ZNF584: variants seen among roughly 807,000 people sequenced by gnomAD.
ZNF584 encodes zinc finger protein 584.
Under a neutral mutation model 14.7 loss-of-function variants are expected in ZNF584, and 12 were observed. The observed-to-expected ratio is 0.82, with a 90% confidence interval of 0.52 to 1.32. The LOEUF (loss-of-function observed/expected upper bound fraction) is 1.32, where lower values mean the gene tolerates loss of function less well. ZNF584 is among the 40% of genes most tolerant of loss of function. The pLI is 0.00. For synonymous variants in ZNF584, 204 were observed against 190.9 expected, an observed-to-expected ratio of 1.07 and a Z score of -0.57; for missense variants, 478 against 518.8, an observed-to-expected ratio of 0.92 and a Z score of 0.76.
intron 2 of ZNF584, among the ~76,000 whole-genome samples, chr19:58,411,977 G>GA (rs2052578875): frequency 1.1e-5 from 1 of 88,784 alleles, no homozygotes; most frequent in Non-Finnish European, 2.1e-5. Flanking sequence ...TATAATACTT[G>GA]TTTTTTTTTT....
chr19:58,403,182 A>C (rs1468298337), intron 1 of ZNF584, among the ~76,000 whole-genome samples: 1 of 152,260 alleles, frequency 6.6e-6, no homozygotes, highest in Non-Finnish European at 1.5e-5. Context: ...GGGTATTTGC[A>C]CAAATGAGTT....
chr19:58,411,938 A>G (rs2052578025), intron 2 of ZNF584, among the ~76,000 whole-genome samples: 1 of 143,462 alleles, frequency 7.0e-6, no homozygotes, highest in Non-Finnish European at 1.5e-5. Flanking sequence ...TCAACCTTGC[A>G]TTACTGGGAT....
upstream of ZNF584, chr19:58,406,333 C>A (rs56332086): frequency 2.7e-5 from 2 of 74,698 alleles, no homozygotes; most frequent in South Asian, 5.9e-4. Context: ...AGAGGGAGAC[C>A]GTGGAAAGAG....
Position 58,416,887 on chromosome 19 carries a change from C to T in ZNF584, c.369C>T (p.Asp123=). 6.2e-7 allele frequency: 1 copy of T among 1,609,722 alleles called. No homozygotes were observed. ...LKSYRVIQHQ[D]THSEGKPRRH... is the part of the protein sequence containing the mutation. ...GCTACAGAGTCATCCAGCACCAGGA[C>T]ACTCATAGTGAGGGGAAACCAAGAA... Residue 123 remains aspartate (D), a synonymous_variant, in exon 4 of 4, where the codon GAC becomes GAT. Coordinates refer to ENST00000306910, the MANE Select transcript of ZNF584 (RefSeq NM_173548.3).
Position 58,417,840 on chromosome 19 carries a change from G to GT in ZNF584, c.*57dup, listed in dbSNP as rs2122255652. 1 of 1,533,796 alleles carries GT rather than the reference G, an allele frequency of 6.5e-7. No homozygotes were observed. Among genetic ancestry groups the GT allele is most frequent in the South Asian group, 1.3e-5 (1 of 77,296 alleles). On this transcript the variant is annotated 3_prime_UTR_variant, in exon 4 of 4. Transcript: ENST00000306910. The stretch of plus-strand genomic sequence containing the variant: ...AGAAAGGAGGTTAAGGAGAGTGGCC[G>GT]TGAGAGTGCCATCCGAAAGAAGCTA...
chr19:58,414,603 A>C (rs1037190887), intron 2 of ZNF584, among the ~76,000 whole-genome samples: 3 of 151,866 alleles, frequency 2.0e-5, no homozygotes, highest in African/African-American at 7.3e-5. Context: ...CGGCCTCCCA[A>C]AGTGCTGGGA....
chr19:58,411,043 G>A (rs918740602), intron 2 of ZNF584, among the ~76,000 whole-genome samples: 2 of 151,348 alleles, frequency 1.3e-5, no homozygotes, highest in South Asian at 2.1e-4. Flanking sequence ...GCCTGCCTTG[G>A]CCTCTCAAAG....
chr19:58,413,283 G>C (rs755364221), intron 2 of ZNF584, among the ~76,000 whole-genome samples: 1 of 151,734 alleles, frequency 6.6e-6, no homozygotes, highest in Admixed American at 6.6e-5. Context: ...TTCCTGCTAA[G>C]CTCTGCATTT....
chr19:58,415,128 C>T (rs539785939), intron 2 of ZNF584, among the ~76,000 whole-genome samples: 10 of 152,122 alleles, frequency 6.6e-5, no homozygotes, highest in South Asian at 2.1e-4. Context: ...CTCCTGACCT[C>T]GTGATCCGCC....
At chr19:58,415,104 A>G (rs2122238847) in intron 2 of ZNF584, among the ~76,000 whole-genome samples, 1 of 152,134 alleles carries the variant, frequency 6.6e-6, no homozygotes, top group East Asian at 1.9e-4. Flanking sequence ...CGTGTTAGCC[A>G]GGATAGTCTT....
Position 58,413,030 on chromosome 19 carries a change from C to G in ZNF584, c.170-2494C>G, listed in dbSNP as rs115887479. Among the ~76,000 whole-genome samples, 493 of 152,116 alleles carry G rather than the reference C, an allele frequency of 3.2e-3. 9 individuals are homozygous for G. Among genetic ancestry groups the G allele is most frequent in the African/African-American group, 0.011 (476 of 41,522 alleles). On this transcript the variant is annotated intron_variant, in intron 2 of 3. Transcript: ENST00000306910. ...ATTCCTGTTCAAAGTAGTATTGAGT[C>G]TTCTCTCTGTTTTTTGTCACTCTAG...
chr19:58,408,120 G>A (rs1401614336), upstream of ZNF584: 1 of 152,328 alleles, frequency 6.6e-6, no homozygotes, highest in Non-Finnish European at 1.5e-5. Flanking sequence ...GCTCTTTGAA[G>A]ACTTGCCTGA....
intron 1 of ZNF584, 44 bp downstream of exon 1, chr19:58,409,209 G>T (rs896061820): frequency 1.6e-5 from 22 of 1,397,062 alleles, no homozygotes; most frequent in Admixed American, 6.5e-5. Context: ...CCCACCAGGT[G>T]GGGGGCGGCG....
chr19:58,416,228 A>G, intron 3 of ZNF584: 1 of 302,290 alleles, frequency 3.3e-6, no homozygotes. Context: ...CTTTCCTAGC[A>G]ACCTCTCAGC....
At chr19:58,415,410 C>A in intron 2 of ZNF584, 114 bp from the exon 3 acceptor site, 2 of 1,231,244 alleles carry the variant, frequency 1.6e-6, no homozygotes, top group Non-Finnish European at 1.1e-6. Context: ...GTTGCCCAGG[C>A]TGGTTGCGAA....
intron 2 of ZNF584, among the ~76,000 whole-genome samples, chr19:58,414,412 C>T (rs1204965548): frequency 6.6e-6 from 1 of 151,978 alleles, no homozygotes; most frequent in African/African-American, 2.4e-5. Flanking sequence ...GATCTCAGCT[C>T]ACTGCAAGCT....
upstream of ZNF584, chr19:58,405,041 G>A (rs113730672): frequency 1.4e-5 from 2 of 146,882 alleles, no homozygotes; most frequent in South Asian, 2.1e-4. Context: ...CAGGGCGGGG[G>A]GCTGACCCCC....
Position 58,416,841 on chromosome 19 carries a change from C to T in ZNF584, c.323C>T (p.Ala108Val). The change falls in exon 4 of 4, where the codon GCC (alanine) becomes GTC (valine). Residue 108 changes from alanine to valine, a missense_variant. Coordinates refer to ENST00000306910, the MANE Select transcript of ZNF584 (RefSeq NM_173548.3). Reference protein sequence around the residue: ...DGLCRVEDERAHPEHLKSYRV... With the variant: ...DGLCRVEDERVHPEHLKSYRV... ...TTGTGTAGAGTGGAGGATGAGAGAG[C>T]CCATCCTGAGCATCTAAAGAGCTAC... 6.4e-7 allele frequency: 1 copy of T among 1,568,370 alleles called. No individual in the cohort carries two copies. The highest frequency in any genetic ancestry group is 8.6e-7 in the Non-Finnish European group (1 of 1,158,864).
Position 58,416,980 on chromosome 19 carries a change from G to A in ZNF584, c.462G>A (p.Val154=). The A allele has an allele frequency of 5.0e-6, 8 of 1,611,980 alleles. No homozygotes were observed. The highest frequency in any genetic ancestry group is 1.3e-5 in the African/African-American group (1 of 74,996). ...GTGGGCAACAGCAAGAAGTCCATGTGGCAGAGAAGCTGTTCAAATGCAGTG... is the reference window on the plus strand; with the variant it reads ...GTGGGCAACAGCAAGAAGTCCATGTAGCAGAGAAGCTGTTCAAATGCAGTG... ...SSCGQQQEVH[V]AEKLFKCSDC... is the part of the protein sequence containing the mutation. Residue 154 remains valine (V), a synonymous_variant, in exon 4 of 4, where the codon GTG becomes GTA. Coordinates refer to ENST00000306910, the MANE Select transcript of ZNF584 (RefSeq NM_173548.3).
Sources: allele counts gnomAD v4.1 joint callset (sites outside exome capture counted in the v4.1 genomes callset), GRCh38; gene constraint gnomAD v4.1.1; transcripts MANE v1.5; gene names NCBI Gene and HGNC (gene_info 2026-07-23, HGNC 2026-07-21).